Variants in TATDN2 observed in about 807,000 individuals in gnomAD.
TATDN2 encodes the protein TatD DNase domain containing 2, also known as 3'-5' RNA nuclease TATDN2.
A neutral mutation model predicts 60.3 loss-of-function variants in TATDN2; 44 were observed. The ratio of observed to expected loss-of-function variants is 0.73; its 90% CI spans 0.57 to 0.94. The LOEUF (loss-of-function observed/expected upper bound fraction) is 0.94, where lower values mean the gene tolerates loss of function less well. TATDN2 is among the 40% of genes least tolerant of loss of function. TATDN2 has a pLI of 0.00. For missense variants in TATDN2, 997 were observed against 948.0 expected (o/e 1.05, Z -0.68); for synonymous variants, 399 against 355.8 (o/e 1.12, Z -1.37).
chr3:10,273,816 G>A (rs1367714935), intron 4 of TATDN2, among the ~76,000 whole-genome samples: 2 of 152,162 alleles, frequency 1.3e-5, no homozygotes, highest in Non-Finnish European at 2.9e-5. Context: ...GATCTGTGGT[G>A]TTTACAGATT....
intron 2 of TATDN2, among the ~76,000 whole-genome samples, chr3:10,252,855 ATTT>A (rs373138121): frequency 8.9e-6 from 1 of 112,018 alleles, no homozygotes; most frequent in Non-Finnish European, 1.8e-5. Flanking sequence ...TGCCTGGCTA[ATTT>A]TTTTTTTTTT....
chr3:10,278,179 A>G lies in TATDN2; in HGVS notation c.1962-100A>G, dbSNP rs1698665618. ...TCCTTCCCTAGGATGCAGTCTTTCC[A>G]TTTCTGGGAATCATTGAAAAGGGGT... is the stretch of plus-strand genomic sequence containing the variant. On this transcript the variant is annotated intron_variant, in intron 5 of 7. Coordinates refer to ENST00000448281, the MANE Select transcript of TATDN2 (RefSeq NM_014760.4). The surrounding 1 kb of genome is among the most constrained non-coding windows in gnomAD (Gnocchi z 4.7). 3.6e-6 allele frequency: 5 copies of G among 1,373,968 alleles called. No homozygotes were observed. The highest frequency in any genetic ancestry group is 4.6e-5 in the East Asian group (2 of 43,114). 85.1% of individuals were successfully genotyped at this position (1,373,968 alleles called of 1,614,324 possible).
intron 3 of TATDN2, among the ~76,000 whole-genome samples, chr3:10,266,931 C>CATTTTTT (rs1698484691): frequency 7.9e-6 from 1 of 126,904 alleles, no homozygotes; most frequent in South Asian, 2.8e-4. Context: ...CTAAGGCAGT[C>CATTTTTT]TTTTTTTTTT....
At position 10,260,131 on chromosome 3, in the gene TATDN2, TCCCAGG is replaced by T. The variant is rs1698377642; in HGVS notation, c.415-5_415del. On this transcript the variant is annotated splice_acceptor_variant and splice_polypyrimidine_tract_variant and coding_sequence_variant and intron_variant, in exon 3 of 8. Transcript: ENST00000448281. LOFTEE classifies it high-confidence loss of function. ...AGCCCTTTCAATTCTGTTTTTTTTT[TCCCAGG>T]TTGATTCCAAAGATAGTTCTCATAA... is the stretch of plus-strand genomic sequence containing the variant. 3.8e-6 allele frequency: 6 copies of T among 1,592,780 alleles called. No homozygotes were observed. Among genetic ancestry groups the T allele is most frequent in the Admixed American group, 3.7e-5 (2 of 54,316 alleles).
Position 10,249,454 on chromosome 3 carries a change from C to A in TATDN2, c.254C>A (p.Ser85Tyr). ...RRRNNSSSSFSPHFLGPGVGG... is the reference protein window; with the variant it reads ...RRRNNSSSSFYPHFLGPGVGG... Reference sequence around the variant, plus strand: ...AGAAATAACTCCTCCTCCTCCTTCTCCCCACATTTCTTGGGCCCTGGTGTG... The same window carrying A: ...AGAAATAACTCCTCCTCCTCCTTCTACCCACATTTCTTGGGCCCTGGTGTG... Residue 85 changes from serine to tyrosine, a missense_variant, in exon 2 of 8, where the codon TCC (serine) becomes TAC (tyrosine). Physicochemically the swap from Ser to Tyr is moderately radical, Grantham distance 144. Transcript: ENST00000448281. The A allele has an allele frequency of 1.2e-6, 2 of 1,613,960 alleles. No homozygotes were observed. The highest frequency in any genetic ancestry group is 1.7e-6 in the Non-Finnish European group (2 of 1,179,998).
chr3:10,280,127 C>T lies in TATDN2; in HGVS notation c.*945C>T, dbSNP rs374958705. 6.5e-6 allele frequency: 1 copy of T among 153,790 alleles called. No individual in the cohort carries two copies. Among genetic ancestry groups the T allele is most frequent in the African/African-American group, 2.4e-5 (1 of 41,456 alleles). The allele number at this position is 153,790 out of a possible 1,614,324, so 9.5% of individuals were successfully genotyped here. On this transcript the variant is annotated 3_prime_UTR_variant, in exon 8 of 8. Coordinates refer to ENST00000448281, the MANE Select transcript of TATDN2 (RefSeq NM_014760.4). ...CTTGTGTACAGTCCTTTGTGTACCC[C>T]GCCCAGGTTGAGAGGTGAATCAGCG...
In TATDN2 at chr3:10,261,207, C is replaced by T. The variant is rs549146546; in HGVS notation, c.948+537C>T. On this transcript the variant is annotated intron_variant, in intron 3 of 7. Coordinates refer to ENST00000448281, the MANE Select transcript of TATDN2 (RefSeq NM_014760.4). ...TGCTGTTGACAAGAGCGGGGAAACC[C>T]GGCTGACACCTGGCTGCAAGGGAGT... Among the ~76,000 whole-genome samples, 44 of 152,254 alleles carry T rather than the reference C, an allele frequency of 2.9e-4. No homozygotes were observed. In the South Asian group the frequency reaches 5.2e-3, roughly 18 times the overall value.
intron 2 of TATDN2, among the ~76,000 whole-genome samples, chr3:10,254,028 G>T (rs530627263): frequency 9.2e-5 from 14 of 152,216 alleles, no homozygotes; most frequent in Non-Finnish European, 2.1e-4. Flanking sequence ...TCTCTGCAGG[G>T]TGAGTTAGCC....
At chr3:10,253,100 G>A (rs998728274) in intron 2 of TATDN2, among the ~76,000 whole-genome samples, 1 of 151,762 alleles carries the variant, frequency 6.6e-6, no homozygotes, top group Admixed American at 6.6e-5. Context: ...CTCGTGATCC[G>A]CCTGCATAGG....
chr3:10,252,168 A>T (rs58572357), intron 2 of TATDN2, among the ~76,000 whole-genome samples: 2,535 of 135,898 alleles, frequency 0.019, 64 homozygotes, highest in African/African-American at 0.065. Context: ...AAAAAAAAAA[A>T]TTTTTTTTTT....
At chr3:10,263,865 G>A (rs997868788) in intron 3 of TATDN2, among the ~76,000 whole-genome samples, 40 of 152,240 alleles carry the variant, frequency 2.6e-4, no homozygotes, top group African/African-American at 9.6e-4. Context: ...TGGGATGATC[G>A]GGAGAATATA....
In TATDN2 at chr3:10,281,022, C is replaced by T. The variant is rs1213071373; in HGVS notation, c.*1840C>T. 1 of 152,230 alleles carries T rather than the reference C, an allele frequency of 6.6e-6. No homozygotes were observed. Among genetic ancestry groups the T allele is most frequent in the Non-Finnish European group, 1.5e-5 (1 of 68,044 alleles). 9.4% of individuals were successfully genotyped at this position (152,230 alleles called of 1,614,324 possible). A position where few individuals can be genotyped will look rare whatever the true frequency, so the allele number is the denominator to read the frequency against. ...CACAAGGTGCTATCTACTTTTCTCT[C>T]TAGGATTTAGATTATCATTTATGTG... On this transcript the variant is annotated 3_prime_UTR_variant, in exon 8 of 8. Transcript: ENST00000448281.
At chr3:10,270,100 A>G (rs772903978) in intron 3 of TATDN2, 31 bp from the exon 4 acceptor site, 2 of 1,580,376 alleles carry the variant, frequency 1.3e-6, no homozygotes, top group South Asian at 2.4e-5. Flanking sequence ...TCGGAAGGCT[A>G]ACCCACTGTT....
chr3:10,273,494 C>T (rs907640491), intron 4 of TATDN2, among the ~76,000 whole-genome samples: 2 of 151,692 alleles, frequency 1.3e-5, no homozygotes, highest in African/African-American at 2.4e-5. Flanking sequence ...AGGTGGCTCA[C>T]GCCTGTAATC....
chr3:10,280,690 G>A lies in TATDN2; in HGVS notation c.*1508G>A, dbSNP rs1161566072. The A allele has an allele frequency of 6.5e-6, 1 of 153,824 alleles. No individual in the cohort carries two copies. Among genetic ancestry groups the A allele is most frequent in the Non-Finnish European group, 1.5e-5 (1 of 68,078 alleles). The allele number at this position is 153,824 out of a possible 1,614,324, so 9.5% of individuals were successfully genotyped here. A position where few individuals can be genotyped will look rare whatever the true frequency, so the allele number is the denominator to read the frequency against. ...CCCTGGTACACAAGTCACTGGCCTG[G>A]AACTCAGCCTTGATTCACTGTCCGT... On this transcript the variant is annotated 3_prime_UTR_variant, in exon 8 of 8. Coordinates refer to ENST00000448281, the MANE Select transcript of TATDN2 (RefSeq NM_014760.4).
intron 2 of TATDN2, 149 bp downstream of exon 2, chr3:10,249,763 C>G: frequency 4.1e-6 from 4 of 970,506 alleles, no homozygotes; most frequent in Non-Finnish European, 5.5e-6. Context: ...CCCCCAAACT[C>G]GAAGACCTAG....
Position 10,248,564 on chromosome 3 carries a change from G to A in TATDN2, c.-510G>A, listed in dbSNP as rs1460681084. 1 of 151,944 alleles carries A rather than the reference G, an allele frequency of 6.6e-6. No individual in the cohort carries two copies. Among genetic ancestry groups the A allele is most frequent in the East Asian group, 1.9e-4 (1 of 5,166 alleles). 9.4% of individuals were successfully genotyped at this position (151,944 alleles called of 1,614,324 possible). A position where few individuals can be genotyped will look rare whatever the true frequency, so the allele number is the denominator to read the frequency against. The stretch of plus-strand genomic sequence containing the variant: ...GAGGCCGGGCCAGGCGGGGCTGTAG[G>A]GCTGGGGCAGGCGGCGGGCTGCCCG... On this transcript the variant is annotated 5_prime_UTR_variant, in exon 1 of 8. Coordinates refer to ENST00000448281, the MANE Select transcript of TATDN2 (RefSeq NM_014760.4).
intron 3 of TATDN2, among the ~76,000 whole-genome samples, chr3:10,265,681 C>CAAAAAAAAAAAAAAAAAAAAAA (rs60093055): frequency 1.6e-5 from 1 of 62,706 alleles, no homozygotes. Context: ...GACTCCGTCT[C>CAAAAAAAAAAAAAAAAAAAAAA]AAAAAAAAAA....
chr3:10,269,065 G>A (rs748847985), intron 3 of TATDN2, among the ~76,000 whole-genome samples: 3 of 152,162 alleles, frequency 2.0e-5, no homozygotes, highest in Non-Finnish European at 4.4e-5. Context: ...AGTGTGACTG[G>A]GCTGGACATC....
Sources: gnomAD v4.1 joint callset for allele counts (sites outside exome capture counted in the v4.1 genomes callset) on GRCh38, gnomAD v4.1.1 for gene constraint, Gnocchi (gnomAD v3.1) non-coding constraint, MANE v1.5 for transcripts, NCBI Gene and HGNC (gene_info 2026-07-23, HGNC 2026-07-21) for gene names.